Variants in ZDHHC7 observed in about 807,000 individuals in gnomAD.
ZDHHC7 encodes palmitoyltransferase ZDHHC7.
In ZDHHC7, 12 loss-of-function variants were observed where a neutral mutation model predicts 34.1. The observed-to-expected ratio is 0.35, with a 90% CI of 0.23 to 0.57. The LOEUF is 0.57. ZDHHC7 is among the 20% of genes least tolerant of loss of function. The pLI is 0.84. For missense variants in ZDHHC7, 388 were observed against 402.7 expected, an observed-to-expected ratio of 0.96 and a Z score of 0.31; for synonymous variants, 185 against 155.4, an observed-to-expected ratio of 1.19 and a Z score of -1.42.
chr16:84,997,559 G>T (rs1481755827), intron 1 of ZDHHC7, among the ~76,000 whole-genome samples: 1 of 151,036 alleles, frequency 6.6e-6, no homozygotes, highest in Non-Finnish European at 1.5e-5. Flanking sequence ...GTGTGAGACA[G>T]CGCACCCGGC....
the ZDHHC7 span, among the ~76,000 whole-genome samples, chr16:85,024,261 T>C: frequency 1.7e-4 from 25 of 144,744 alleles, no homozygotes; most frequent in African/African-American, 5.9e-4. Context: ...AGACAGAGTC[T>C]TGCTCTGTTG....
intron 3 of ZDHHC7, 195 bp from the exon 4 acceptor site, chr16:84,982,189 C>G (rs1007353961): frequency 2.2e-5 from 12 of 534,778 alleles, no homozygotes; most frequent in Admixed American, 6.9e-5. Context: ...ACTAAAGATA[C>G]AAAAAATTAG....
At chr16:84,984,870 G>C (rs1294700552) in intron 3 of ZDHHC7, among the ~76,000 whole-genome samples, 3 of 152,116 alleles carry the variant, frequency 2.0e-5, no homozygotes, top group African/African-American at 7.2e-5. Context: ...CATATGCAGA[G>C]GGGGTGTGCA....
intron 1 of ZDHHC7, among the ~76,000 whole-genome samples, chr16:84,999,477 C>T (rs2072625922): frequency 6.6e-6 from 1 of 152,102 alleles, no homozygotes; most frequent in African/African-American, 2.4e-5. Context: ...AACCCGTCAA[C>T]AGGAAATAGA....
chr16:85,005,099 C>T (rs183726803), intron 1 of ZDHHC7: 33 of 152,276 alleles, frequency 2.2e-4, no homozygotes, highest in African/African-American at 7.5e-4. Context: ...TTTTAAAAAT[C>T]CCAGCATGGT....
intron 1 of ZDHHC7, among the ~76,000 whole-genome samples, chr16:85,009,029 G>A (rs996700042): frequency 2.9e-5 from 4 of 137,414 alleles, no homozygotes; most frequent in East Asian, 2.1e-4. Context: ...TGGGCAACAA[G>A]AGCGAAACTC....
At chr16:85,010,703 T>C (rs1410253737) in intron 1 of ZDHHC7, among the ~76,000 whole-genome samples, 1 of 152,156 alleles carries the variant, frequency 6.6e-6, no homozygotes, top group African/African-American at 2.4e-5. Flanking sequence ...TGTGACAAAG[T>C]TGTAGAAGGA....
At chr16:85,019,917 G>T in the ZDHHC7 span, among the ~76,000 whole-genome samples, 1 of 152,128 alleles carries the variant, frequency 6.6e-6, no homozygotes, top group Admixed American at 6.6e-5. Flanking sequence ...CTTAGCTGCT[G>T]TTATACCCCC....
intron 1 of ZDHHC7, among the ~76,000 whole-genome samples, chr16:85,002,277 G>A (rs1469017794): frequency 6.6e-6 from 1 of 152,036 alleles, no homozygotes; most frequent in African/African-American, 2.4e-5. Context: ...CCGTTCACAG[G>A]GACAGTTTCT....
At chr16:84,984,014 CTTTT>C (rs1199886313) in intron 3 of ZDHHC7, among the ~76,000 whole-genome samples, 11 of 132,932 alleles carry the variant, frequency 8.3e-5, no homozygotes, top group Admixed American at 3.7e-4. Flanking sequence ...AATTTAGAGT[CTTTT>C]TTTTTTTTTT....
intron 2 of ZDHHC7, among the ~76,000 whole-genome samples, chr16:84,993,734 C>T (rs1382772363): frequency 6.6e-6 from 1 of 152,012 alleles, no homozygotes; most frequent in African/African-American, 2.4e-5. Flanking sequence ...TTGGACAGAC[C>T]CCTTAGCCAA....
rs2072297136 is a variant in ZDHHC7 at position 84,976,366 on chromosome 16, C to T, written c.904G>A (p.Gly302Ser). The T allele has an allele frequency of 6.2e-7, 1 of 1,614,020 alleles. No individual in the cohort carries two copies. The highest frequency in any genetic ancestry group is 1.3e-5 in the African/African-American group (1 of 75,006). The change falls in exon 8 of 8, where the codon GGT becomes AGT. Residue 302 changes from glycine (G) to serine (S), a missense_variant. Physicochemically the swap from Gly to Ser is moderately conservative, Grantham distance 56 (BLOSUM62 0). Coordinates refer to ENST00000313732, the MANE Select transcript of ZDHHC7 (RefSeq NM_017740.3). ...CCTCACACTGAGAACTCCGGGCCAC[C>T]TTTTCTGGGTCTCGTGGGCAGTCGC... is the stretch of plus-strand genomic sequence containing the variant. ...FRRLPTRPRKGGPEFSV is the reference protein window; with the variant it reads ...FRRLPTRPRKSGPEFSV
chr16:84,982,384 A>C (rs1314318290), intron 3 of ZDHHC7, among the ~76,000 whole-genome samples: 1 of 151,718 alleles, frequency 6.6e-6, no homozygotes, highest in Non-Finnish European at 1.5e-5. Context: ...ATATCATCAA[A>C]CAATTAAAAA....
At chr16:84,988,714 GGACTCCC>G in intron 3 of ZDHHC7, 1 of 1,510,896 alleles carries the variant, frequency 6.6e-7, no homozygotes, top group Non-Finnish European at 9.0e-7. Flanking sequence ...AAACTGCTGA[GGACTCCC>G]AGCCAGGCTG....
At chr16:85,007,717 G>GCT (rs2072736704) in intron 1 of ZDHHC7, among the ~76,000 whole-genome samples, 1 of 152,036 alleles carries the variant, frequency 6.6e-6, no homozygotes, top group Non-Finnish European at 1.5e-5. Flanking sequence ...AAGGTTGAGA[G>GCT]CTCTCCCTGT....
intron 4 of ZDHHC7, among the ~76,000 whole-genome samples, chr16:84,980,752 T>C (rs953540610): frequency 1.3e-5 from 2 of 152,278 alleles, no homozygotes; most frequent in East Asian, 1.9e-4. Context: ...ATCTGCAGAG[T>C]TGTGAGACCA....
At chr16:84,996,799 C>A (rs1004643721) in intron 1 of ZDHHC7, among the ~76,000 whole-genome samples, 2 of 152,106 alleles carry the variant, frequency 1.3e-5, no homozygotes, top group African/African-American at 4.8e-5. Context: ...GAGGCTGAGG[C>A]GGGTGGATCA....
intron 3 of ZDHHC7, among the ~76,000 whole-genome samples, chr16:84,985,952 CAAAAA>C (rs58315276): frequency 1.1e-4 from 6 of 54,028 alleles, no homozygotes; most frequent in African/African-American, 3.5e-4. Context: ...GAGACTGTCT[CAAAAA>C]AAAAAAAAAA....
chr16:85,017,696 C>T, the ZDHHC7 span, among the ~76,000 whole-genome samples: 2 of 152,168 alleles, frequency 1.3e-5, no homozygotes, highest in African/African-American at 4.8e-5. Flanking sequence ...TGGGAGAGAT[C>T]CCCAAACACC....
Sources: allele counts gnomAD v4.1 joint callset (sites outside exome capture counted in the v4.1 genomes callset), GRCh38; gene constraint gnomAD v4.1.1; transcripts MANE v1.5; gene names NCBI Gene and HGNC (gene_info 2026-07-23, HGNC 2026-07-21).